ZNF423: variants seen among roughly 807,000 people sequenced by gnomAD.
ZNF423 encodes the protein zinc finger protein 423, also known as Ebf-associated zinc finger protein.
A neutral mutation model predicts 95.8 loss-of-function variants in ZNF423; 12 were observed. That is an observed-to-expected ratio of 0.13 (90% CI 0.08 to 0.20). The LOEUF (loss-of-function observed/expected upper bound fraction) is 0.20, where lower values mean the gene tolerates loss of function less well. ZNF423 is among the 10% of genes least tolerant of loss of function. The pLI is 1.00. For missense variants in ZNF423, 1,316 were observed against 1,737.1 expected, an observed-to-expected ratio of 0.76 and a Z score of 4.31; for synonymous variants, 749 against 711.9, an observed-to-expected ratio of 1.05 and a Z score of -0.83.
chr16:49,701,554 T>C (rs989571991), intron 3 of ZNF423, among the ~76,000 whole-genome samples: 1 of 152,042 alleles, frequency 6.6e-6, no homozygotes, highest in Non-Finnish European at 1.5e-5. Flanking sequence ...GGCAGCGCGC[T>C]ACAGGAGCTT....
In ZNF423 at chr16:49,635,122, A is replaced by C. The variant is rs1221407957; in HGVS notation, c.3516+538T>G. On this transcript the variant is annotated intron_variant, in intron 4 of 7. Coordinates refer to ENST00000563137, the MANE Select transcript of ZNF423 (RefSeq NM_001379286.1). This position sits in a 1 kb window ranked among gnomAD's most constrained non-coding sequence, Gnocchi z 4.8. Reference sequence around the variant, plus strand: ...GTGATAAGAGTACCAGCTGGTGATGACAGCCAGCACCACTGAGCCATGAGT... The same window carrying C: ...GTGATAAGAGTACCAGCTGGTGATGCCAGCCAGCACCACTGAGCCATGAGT... Among the ~76,000 whole-genome samples, 2 of 152,242 alleles carry C rather than the reference A, an allele frequency of 1.3e-5. No individual in the cohort carries two copies. Among genetic ancestry groups the C allele is most frequent in the East Asian group, 3.8e-4 (2 of 5,200 alleles).
chr16:49,508,731 G>A (rs1967759598), intron 7 of ZNF423, among the ~76,000 whole-genome samples: 1 of 152,100 alleles, frequency 6.6e-6, no homozygotes, highest in South Asian at 2.1e-4. Flanking sequence ...AGGGAGGGCA[G>A]GGGCAGGCAT....
chr16:49,690,943 C>T (rs1357768069), intron 3 of ZNF423, among the ~76,000 whole-genome samples: 2 of 152,152 alleles, frequency 1.3e-5, no homozygotes, highest in African/African-American at 2.4e-5. Context: ...TTTCACCAGC[C>T]GCAGGCCTGG....
At chr16:49,828,703 G>A (rs752588847) in intron 1 of ZNF423, among the ~76,000 whole-genome samples, 1 of 152,160 alleles carries the variant, frequency 6.6e-6, no homozygotes, top group Admixed American at 6.5e-5. Context: ...CTGGGCGGGC[G>A]CCATGCTCCA....
intron 1 of ZNF423, among the ~76,000 whole-genome samples, chr16:49,838,305 T>C (rs1055400381): frequency 3.7e-4 from 57 of 152,312 alleles, no homozygotes; most frequent in African/African-American, 1.2e-3. Context: ...TGTGGGGCAC[T>C]GGGCCATTTA....
rs1004245884 is a variant in ZNF423, at chr16:49,638,120, G to T, written c.1056C>A (p.Ser352Arg). Reference protein sequence around the residue: ...SVEGVYCHLDSHRQPDSSNHS... With the variant: ...SVEGVYCHLDRHRQPDSSNHS... ...GGTTGCTGGAGTCGGGCTGCCGGTG[G>T]CTGTCCAGGTGGCAGTAGACACCTT... Residue 352 changes from serine to arginine, a missense_variant, in exon 4 of 8, where the codon AGC becomes AGA. Around this residue, in one of 6 missense-constraint regions of ZNF423, gnomAD observed 399 missense variants for 478.5 expected, o/e 0.83. Coordinates refer to ENST00000563137, the MANE Select transcript of ZNF423 (RefSeq NM_001379286.1). The surrounding 1 kb of genome is among the most constrained non-coding windows in gnomAD (Gnocchi z 5.6). 6.2e-7 allele frequency: 1 copy of T among 1,612,848 alleles called. No individual in the cohort carries two copies. Among genetic ancestry groups the T allele is most frequent in the African/African-American group, 1.3e-5 (1 of 74,916 alleles).
intron 3 of ZNF423, among the ~76,000 whole-genome samples, chr16:49,671,650 G>A (rs777522213): frequency 4.8e-4 from 73 of 152,168 alleles, no homozygotes; most frequent in African/African-American, 1.4e-3. Flanking sequence ...CAATTATTCC[G>A]GGAGAGGTGC....
chr16:49,784,244 A>C (rs2034273013), intron 2 of ZNF423, among the ~76,000 whole-genome samples: 1 of 151,956 alleles, frequency 6.6e-6, no homozygotes, highest in African/African-American at 2.4e-5. Context: ...TCAAGCAAAA[A>C]CTTGTACATT....
Position 49,492,017 on chromosome 16 carries a change from G to T in ZNF423, c.3850-713C>A, listed in dbSNP as rs984388373. Among the ~76,000 whole-genome samples, 1 of 152,188 alleles carries T rather than the reference G, an allele frequency of 6.6e-6. No individual in the cohort carries two copies. The highest frequency in any genetic ancestry group is 1.5e-5 in the Non-Finnish European group (1 of 68,028). On this transcript the variant is annotated intron_variant, in intron 7 of 7. Transcript: ENST00000563137. The surrounding 1 kb of genome is among the most constrained non-coding windows in gnomAD (Gnocchi z 4.2). Reference sequence around the variant, plus strand: ...ATGCACCTAGGAATCCAGGGCCCAGGTGGGACCCTGTGGCCAAATGTTTCC... The same window carrying T: ...ATGCACCTAGGAATCCAGGGCCCAGTTGGGACCCTGTGGCCAAATGTTTCC...
At chr16:49,697,911 G>A (rs1191167047) in intron 3 of ZNF423, among the ~76,000 whole-genome samples, 1 of 152,232 alleles carries the variant, frequency 6.6e-6, no homozygotes, top group Admixed American at 6.5e-5. Flanking sequence ...GGCAGAGGGG[G>A]CAGGAGGATA....
intron 1 of ZNF423, among the ~76,000 whole-genome samples, chr16:49,848,899 G>A (rs542554262): frequency 6.6e-5 from 10 of 152,290 alleles, no homozygotes; most frequent in African/African-American, 9.6e-5. Flanking sequence ...CCCGCAGCTC[G>A]AAGGTCACTG....
At chr16:49,787,186 G>A (rs1021373372) in intron 2 of ZNF423, among the ~76,000 whole-genome samples, 10 of 152,092 alleles carry the variant, frequency 6.6e-5, no homozygotes, top group African/African-American at 1.7e-4. Context: ...GCTTGGAGCC[G>A]TCTCACACGC....
intron 2 of ZNF423, among the ~76,000 whole-genome samples, chr16:49,780,361 C>T (rs2034190759): frequency 6.6e-6 from 1 of 152,200 alleles, no homozygotes; most frequent in Non-Finnish European, 1.5e-5. Context: ...CCAAGGCAGC[C>T]CCAGGGAGCC....
chr16:49,850,275 G>A (rs554556383), intron 1 of ZNF423, among the ~76,000 whole-genome samples: 140 of 152,242 alleles, frequency 9.2e-4, no homozygotes, highest in Middle Eastern at 3.4e-3. Context: ...AACTTCAAGC[G>A]GGATGTAACC....
At chr16:49,725,716 C>T (rs951590591) in intron 3 of ZNF423, among the ~76,000 whole-genome samples, 1 of 152,160 alleles carries the variant, frequency 6.6e-6, no homozygotes, top group Non-Finnish European at 1.5e-5. Flanking sequence ...GCCTCGCGGG[C>T]AGTAGGCACT....
chr16:49,527,998 T>G (rs961071693), intron 5 of ZNF423, among the ~76,000 whole-genome samples: 1 of 152,012 alleles, frequency 6.6e-6, no homozygotes, highest in Non-Finnish European at 1.5e-5. Context: ...CCATGTGAGA[T>G]TTTCTGGGCT....
At chr16:49,741,376 G>A (rs929036802) in intron 2 of ZNF423, among the ~76,000 whole-genome samples, 8 of 152,018 alleles carry the variant, frequency 5.3e-5, no homozygotes, top group African/African-American at 1.2e-4. Flanking sequence ...GCATGGTGGC[G>A]CATGCCTATA....
chr16:49,553,977 C>T (rs925258960), intron 5 of ZNF423, among the ~76,000 whole-genome samples: 3 of 152,216 alleles, frequency 2.0e-5, no homozygotes, highest in Admixed American at 6.5e-5. Flanking sequence ...CAGCCCAACA[C>T]AGTCCCGCCT....
At chr16:49,624,864 C>G (rs530808835) in intron 5 of ZNF423, among the ~76,000 whole-genome samples, 1 of 152,158 alleles carries the variant, frequency 6.6e-6, no homozygotes, top group African/African-American at 2.4e-5. Flanking sequence ...CCTGAAGGAG[C>G]CCAAGAGGGA....
Sources: allele counts gnomAD v4.1 joint callset (sites outside exome capture counted in the v4.1 genomes callset), GRCh38; gene constraint gnomAD v4.1.1; regional missense constraint gnomAD v4.1.1; non-coding constraint Gnocchi (gnomAD v3.1); transcripts MANE v1.5; gene names NCBI Gene and HGNC (gene_info 2026-07-23, HGNC 2026-07-21).